Variants in LHFPL4 observed in about 807,000 individuals in gnomAD.
The protein encoded by LHFPL4 is LHFPL tetraspan subfamily member 4, also known as LHFPL tetraspan subfamily member 4 protein.
Under a neutral mutation model 20.0 loss-of-function variants are expected in LHFPL4, and 6 were observed. The ratio of observed to expected loss-of-function variants is 0.30; its 90% confidence interval spans 0.16 to 0.59. LHFPL4 has a LOEUF of 0.59. LHFPL4 is among the 20% of genes least tolerant of loss of function. LHFPL4 has a pLI of 0.88. For synonymous variants in LHFPL4, 129 were observed against 143.8 expected, an observed-to-expected ratio of 0.90 and a Z score of 0.74; for missense variants, 215 against 331.2, an observed-to-expected ratio of 0.65 and a Z score of 2.72.
At chr3:9,541,231 C>T (rs905418976) in intron 2 of LHFPL4, among the ~76,000 whole-genome samples, 3 of 151,936 alleles carry the variant, frequency 2.0e-5, no homozygotes, top group African/African-American at 4.8e-5. Flanking sequence ...CGTGAGCCAC[C>T]GCACCCGGCA....
chr3:9,522,635 G>C (rs1276535243), intron 2 of LHFPL4, among the ~76,000 whole-genome samples: 1 of 151,946 alleles, frequency 6.6e-6, no homozygotes, highest in South Asian at 2.1e-4. Context: ...CAGCTACTCG[G>C]GAGGCTGAGA....
rs1028225839 is a variant in LHFPL4 at position 9,506,340 on chromosome 3, C to A, written c.407-137G>T. ...ACCACGTGCTTGTTACCCACTTCCACAGAGGGAGAAAGAGAGGGCAGGGGC... is the reference window on the plus strand; with the variant it reads ...ACCACGTGCTTGTTACCCACTTCCAAAGAGGGAGAAAGAGAGGGCAGGGGC... On this transcript the variant is annotated intron_variant, in intron 2 of 3. Transcript: ENST00000287585. The surrounding 1 kb of genome is among the most constrained non-coding windows in gnomAD (Gnocchi z 4.5). 12 of 683,218 alleles carry A rather than the reference C, an allele frequency of 1.8e-5. No homozygotes were observed. The highest frequency in any genetic ancestry group is 2.6e-5 in the Non-Finnish European group (10 of 385,078). The allele number at this position is 683,218 out of a possible 1,614,324, so 42.3% of individuals were successfully genotyped here.
intron 2 of LHFPL4, among the ~76,000 whole-genome samples, chr3:9,533,543 G>T (rs561395174): frequency 6.6e-6 from 1 of 152,210 alleles, no homozygotes; most frequent in African/African-American, 2.4e-5. Flanking sequence ...AACACTTTGC[G>T]AGGCCAAGGT....
chr3:9,531,786 C>T (rs888552848), intron 2 of LHFPL4, among the ~76,000 whole-genome samples: 4 of 147,346 alleles, frequency 2.7e-5, no homozygotes, highest in Non-Finnish European at 4.4e-5. Flanking sequence ...GGTAACAGAG[C>T]GAGACTCCAT....
chr3:9,547,891 C>T (rs919778231), intron 2 of LHFPL4, among the ~76,000 whole-genome samples: 13 of 152,124 alleles, frequency 8.5e-5, no homozygotes, highest in African/African-American at 2.7e-4. Context: ...CTGCAACCTC[C>T]GCCTCCCAGG....
chr3:9,543,066 T>G (rs1319306453), intron 2 of LHFPL4, among the ~76,000 whole-genome samples: 3 of 152,106 alleles, frequency 2.0e-5, no homozygotes, highest in African/African-American at 7.2e-5. Flanking sequence ...TCACTTGATA[T>G]GGGTGAATTA....
At chr3:9,551,589 G>A (rs1336614987) in intron 2 of LHFPL4, among the ~76,000 whole-genome samples, 1 of 152,132 alleles carries the variant, frequency 6.6e-6, no homozygotes, top group East Asian at 1.9e-4. Context: ...CACTCCCATT[G>A]GGCATGGCAC....
intron 2 of LHFPL4, among the ~76,000 whole-genome samples, chr3:9,530,860 A>G (rs776995777): frequency 6.6e-6 from 1 of 152,244 alleles, no homozygotes; most frequent in East Asian, 1.9e-4. Context: ...GCCTCCTGCA[A>G]AGTGCTGGGA....
intron 2 of LHFPL4, among the ~76,000 whole-genome samples, chr3:9,541,942 T>C (rs556501105): frequency 1.2e-4 from 18 of 152,304 alleles, no homozygotes; most frequent in African/African-American, 4.1e-4. Context: ...CAGGCAATTC[T>C]ACTTCTAGGT....
At chr3:9,504,405 C>G (rs927887428) in intron 3 of LHFPL4, among the ~76,000 whole-genome samples, 2 of 149,908 alleles carry the variant, frequency 1.3e-5, no homozygotes, top group African/African-American at 4.9e-5. Context: ...AGGACTCTAA[C>G]GCTACCCATA....
intron 2 of LHFPL4, among the ~76,000 whole-genome samples, chr3:9,513,016 T>C (rs1408501590): frequency 1.3e-5 from 2 of 152,194 alleles, no homozygotes; most frequent in Non-Finnish European, 2.9e-5. Flanking sequence ...TGGAGTGCAG[T>C]GGCCGCGATC....
intron 2 of LHFPL4, among the ~76,000 whole-genome samples, chr3:9,535,639 C>G (rs1335287383): frequency 6.6e-6 from 1 of 152,096 alleles, no homozygotes; most frequent in East Asian, 1.9e-4. Context: ...GAATACACAG[C>G]CAGCTGTTTG....
intron 2 of LHFPL4, among the ~76,000 whole-genome samples, chr3:9,526,852 C>T (rs1481640939): frequency 6.6e-6 from 1 of 152,098 alleles, no homozygotes; most frequent in African/African-American, 2.4e-5. Flanking sequence ...AGCTTCCCTC[C>T]CAGAGTCTGC....
At chr3:9,536,336 C>G (rs1316092115) in intron 2 of LHFPL4, among the ~76,000 whole-genome samples, 2 of 152,128 alleles carry the variant, frequency 1.3e-5, no homozygotes, top group Non-Finnish European at 2.9e-5. Context: ...ACATCCAGGC[C>G]CAATCTTAAT....
intron 2 of LHFPL4, among the ~76,000 whole-genome samples, chr3:9,527,561 A>T (rs2125661857): frequency 6.6e-6 from 1 of 152,076 alleles, no homozygotes; most frequent in East Asian, 1.9e-4. Flanking sequence ...ACAAAAAATT[A>T]GTCAGGCATG....
intron 1 of LHFPL4, among the ~76,000 whole-genome samples, chr3:9,553,101 T>A (rs1159130895): frequency 6.6e-6 from 1 of 150,464 alleles, no homozygotes; most frequent in African/African-American, 2.4e-5. Flanking sequence ...GAGACTGGTG[T>A]TGGAGGACTA....
intron 2 of LHFPL4, among the ~76,000 whole-genome samples, chr3:9,516,500 G>T (rs944875467): frequency 3.3e-5 from 5 of 151,370 alleles, no homozygotes; most frequent in Non-Finnish European, 7.4e-5. Context: ...AGACGTTGGA[G>T]TCTCACTCTG....
intron 3 of LHFPL4, among the ~76,000 whole-genome samples, chr3:9,504,506 T>C (rs2046202184): frequency 1.3e-5 from 2 of 151,464 alleles, no homozygotes; most frequent in African/African-American, 4.8e-5. Context: ...CCTTTCATAT[T>C]TATTATTTCT....
chr3:9,539,427 C>T (rs2046463710), intron 2 of LHFPL4, among the ~76,000 whole-genome samples: 1 of 145,688 alleles, frequency 6.9e-6, no homozygotes, highest in African/African-American at 2.5e-5. Flanking sequence ...TGCACCCCAG[C>T]CTGGGCAATA....
Sources: gnomAD v4.1 joint callset for allele counts (sites outside exome capture counted in the v4.1 genomes callset) on GRCh38, gnomAD v4.1.1 for gene constraint, Gnocchi (gnomAD v3.1) non-coding constraint, MANE v1.5 for transcripts, NCBI Gene and HGNC (gene_info 2026-07-23, HGNC 2026-07-21) for gene names.